SLC27A4: variants seen among roughly 807,000 people sequenced by gnomAD.
SLC27A4 encodes the protein long-chain fatty acid transport protein 4.
SLC27A4 carries 33 observed loss-of-function variants against 64.4 expected under a neutral mutation model. The observed-to-expected ratio is 0.51, with a 90% CI of 0.39 to 0.68. The LOEUF (loss-of-function observed/expected upper bound fraction) is 0.68. SLC27A4 is among the 30% of genes least tolerant of loss of function. SLC27A4 has a pLI of 0.00. For synonymous variants in SLC27A4, 377 were observed against 370.0 expected (o/e 1.02, Z -0.22); for missense variants, 824 against 883.5 (o/e 0.93, Z 0.85).
intron 3 of SLC27A4, among the ~76,000 whole-genome samples, chr9:128,347,201 G>T (rs1440931077): frequency 6.6e-6 from 1 of 152,204 alleles, no homozygotes; most frequent in African/African-American, 2.4e-5. Context: ...AAAGTACTGA[G>T]GTTGCTGCTT....
In SLC27A4 at chr9:128,360,791, A is replaced by G. The variant is rs988806703; in HGVS notation, c.*300A>G. 5 of 432,114 alleles carry G rather than the reference A, an allele frequency of 1.2e-5. No individual in the cohort carries two copies. The highest frequency in any genetic ancestry group is 3.6e-5 in the Admixed American group (1 of 28,034). The allele number at this position is 432,114 out of a possible 1,614,324, so 26.8% of individuals were successfully genotyped here. Reference sequence around the variant, plus strand: ...CTTGGGTGAGGGTAGGGAGAGGACAAGGGGTCACCGAGCCCTTCCCAGAGA... The same window carrying G: ...CTTGGGTGAGGGTAGGGAGAGGACAGGGGGTCACCGAGCCCTTCCCAGAGA... On this transcript the variant is annotated 3_prime_UTR_variant, in exon 13 of 13. Transcript: ENST00000300456.
chr9:128,353,169 C>T lies in SLC27A4; in HGVS notation c.1132C>T (p.Pro378Ser). ...CAACTTTTCCAGCCGCTTCCACATA[C>T]CCCAGGTGGCTGAGTTCTACGGGGC... is the stretch of plus-strand genomic sequence containing the variant. ...WTNFSSRFHIPQVAEFYGATE... is the reference protein window; with the variant it reads ...WTNFSSRFHISQVAEFYGATE... The change falls in exon 8 of 13, where the codon CCC (proline) becomes TCC (serine). Residue 378 changes from proline (P) to serine (S), a missense_variant. Transcript: ENST00000300456. This position sits in a 1 kb window ranked among gnomAD's most constrained non-coding sequence, Gnocchi z 4.9. 2 of 1,614,188 alleles carry T rather than the reference C, an allele frequency of 1.2e-6. No homozygotes were observed. The highest frequency in any genetic ancestry group is 1.7e-6 in the Non-Finnish European group (2 of 1,180,052).
Position 128,348,055 on chromosome 9 carries a change from C to T in SLC27A4, c.557-490C>T, listed in dbSNP as rs573292063. On this transcript the variant is annotated intron_variant, in intron 3 of 12. Coordinates refer to ENST00000300456, the MANE Select transcript of SLC27A4 (RefSeq NM_005094.4). Reference sequence around the variant, plus strand: ...GGGGTTATGTGATGTCCGTGCAGTGCGCAGGGGAGCCTGAAAGCAGGTTCC... The same window carrying T: ...GGGGTTATGTGATGTCCGTGCAGTGTGCAGGGGAGCCTGAAAGCAGGTTCC... Among the ~76,000 whole-genome samples the T allele has an allele frequency of 5.9e-5, 9 of 152,204 alleles. No individual in the cohort carries two copies. The East Asian group carries it at 1.7e-3, about 29-fold the overall frequency.
chr9:128,353,058 C>G lies in SLC27A4; in HGVS notation c.1021C>G (p.Leu341Val). 6.2e-7 allele frequency: 1 copy of G among 1,614,068 alleles called. No homozygotes were observed. ...VQYIGELCRY[L>V]LNQPPREAEN... Reference sequence around the variant, plus strand: ...GTACATTGGTGAACTGTGCCGCTACCTCCTGAACCAGCCACCGCGGGAGGC... The same window carrying G: ...GTACATTGGTGAACTGTGCCGCTACGTCCTGAACCAGCCACCGCGGGAGGC... Residue 341 changes from leucine to valine, a missense_variant, in exon 8 of 13, where the codon CTC becomes GTC. Coordinates refer to ENST00000300456, the MANE Select transcript of SLC27A4 (RefSeq NM_005094.4). The surrounding 1 kb of genome is among the most constrained non-coding windows in gnomAD (Gnocchi z 4.9).
intron 6 of SLC27A4, 40 bp from the exon 7 acceptor site, chr9:128,352,598 T>C: frequency 6.7e-7 from 1 of 1,500,732 alleles, no homozygotes. Flanking sequence ...GGGAGGGTCT[T>C]CATCTCGCTG....
chr9:128,352,262 G>T (rs967170670), intron 6 of SLC27A4, among the ~76,000 whole-genome samples: 1 of 152,176 alleles, frequency 6.6e-6, no homozygotes, highest in Non-Finnish European at 1.5e-5. Flanking sequence ...AGTGTGTGTG[G>T]CAGTGTCCCA....
Position 128,353,602 on chromosome 9 carries a change from G to T in SLC27A4, c.1324+61G>T. The stretch of plus-strand genomic sequence containing the variant: ...CCTGGGAAGGAAGGAGGCCAGGCGC[G>T]TGTGGATGGGGAGCCTTGTTCTGAC... On this transcript the variant is annotated intron_variant, in intron 9 of 12. Coordinates refer to ENST00000300456, the MANE Select transcript of SLC27A4 (RefSeq NM_005094.4). The surrounding 1 kb of genome is among the most constrained non-coding windows in gnomAD (Gnocchi z 4.9). The T allele has an allele frequency of 1.3e-6, 2 of 1,576,306 alleles. No homozygotes were observed. Among genetic ancestry groups the T allele is most frequent in the South Asian group, 1.1e-5 (1 of 88,134 alleles).
chr9:128,355,403 G>C lies in SLC27A4; in HGVS notation c.1468G>C (p.Val490Leu). The part of the protein sequence containing the change: ...KGDQAYLTGD[V>L]LVMDELGYLY... The stretch of plus-strand genomic sequence containing the variant: ...CTCATCCGGCCCCTCCCTAGGTGAT[G>C]TGCTGGTGATGGACGAGCTGGGCTA... The change falls in exon 11 of 13, where the codon GTG (valine) becomes CTG (leucine). Residue 490 changes from valine (V) to leucine (L), a missense_variant. Physicochemically the swap from Val to Leu is conservative, Grantham distance 32. Transcript: ENST00000300456. The C allele has an allele frequency of 6.2e-7, 1 of 1,613,698 alleles. No individual in the cohort carries two copies. Among genetic ancestry groups the C allele is most frequent in the Non-Finnish European group, 8.5e-7 (1 of 1,180,024 alleles).
chr9:128,357,239 G>C (rs1336191934), intron 12 of SLC27A4, among the ~76,000 whole-genome samples: 1 of 144,960 alleles, frequency 6.9e-6, no homozygotes, highest in Non-Finnish European at 1.5e-5. Flanking sequence ...TCCAGCCTGG[G>C]AGACAGAGTG....
At chr9:128,350,083 ATG>A (rs975181750) in intron 4 of SLC27A4, among the ~76,000 whole-genome samples, 13 of 152,294 alleles carry the variant, frequency 8.5e-5, no homozygotes, top group African/African-American at 3.1e-4. Context: ...TTACTCACTG[ATG>A]TCTCTCTCCA....
chr9:128,356,047 C>A (rs1443133031), intron 12 of SLC27A4, among the ~76,000 whole-genome samples: 1 of 152,098 alleles, frequency 6.6e-6, no homozygotes, highest in Admixed American at 6.6e-5. Flanking sequence ...GGATGTTTTG[C>A]CTTCTTGGAG....
chr9:128,344,500 C>T (rs1462422600), intron 2 of SLC27A4, among the ~76,000 whole-genome samples: 3 of 151,194 alleles, frequency 2.0e-5, no homozygotes, highest in Non-Finnish European at 4.4e-5. Context: ...ACCTGGGTGA[C>T]AGAGTGTGAC....
Position 128,353,999 on chromosome 9 carries a change from T to G in SLC27A4, c.1324+458T>G, listed in dbSNP as rs1832780336. ...ACCTCGTGATCCGCCCGCCTCGGCC[T>G]CCCAAAGTGCTGGGATTACAGGCGT... On this transcript the variant is annotated intron_variant, in intron 9 of 12. Transcript: ENST00000300456. This position sits in a 1 kb window ranked among gnomAD's most constrained non-coding sequence, Gnocchi z 4.9. Among the ~76,000 whole-genome samples the G allele has an allele frequency of 6.6e-6, 1 of 151,762 alleles. No homozygotes were observed. Among genetic ancestry groups the G allele is most frequent in the African/African-American group, 2.4e-5 (1 of 41,154 alleles).
intron 3 of SLC27A4, among the ~76,000 whole-genome samples, chr9:128,346,189 C>T (rs990908858): frequency 1.1e-4 from 16 of 152,076 alleles, no homozygotes; most frequent in African/African-American, 3.9e-4. Flanking sequence ...GCATGAACCA[C>T]CACACCTGGC....
intron 6 of SLC27A4, 122 bp from the exon 7 acceptor site, chr9:128,352,516 T>G: frequency 1.3e-6 from 1 of 779,498 alleles, no homozygotes; most frequent in Non-Finnish European, 2.2e-6. Context: ...GGCAGGCAGA[T>G]GTGAGGTGCA....
At chr9:128,341,707 C>T (rs1004231812) in intron 1 of SLC27A4, among the ~76,000 whole-genome samples, 18 of 152,188 alleles carry the variant, frequency 1.2e-4, no homozygotes, top group African/African-American at 1.9e-4. Context: ...ACAGAACCTC[C>T]CTGGGTTCTG....
At position 128,345,276 on chromosome 9, in the gene SLC27A4, T is replaced by G; in HGVS notation, c.283T>G (p.Phe95Val). The change falls in exon 3 of 13, where the codon TTC becomes GTC. Residue 95 changes from phenylalanine (F) to valine (V), a missense_variant. Physicochemically the swap from Phe to Val is conservative, Grantham distance 50. Transcript: ENST00000300456. The surrounding 1 kb of genome is among the most constrained non-coding windows in gnomAD (Gnocchi z 4.1). ...CCACCCCGACAAGACGGCCCTGATC[T>G]TCGAGGGCACAGATACCCACTGGAC... Reference protein sequence around the residue: ...RRHPDKTALIFEGTDTHWTFR... With the variant: ...RRHPDKTALIVEGTDTHWTFR... The G allele has an allele frequency of 6.2e-7, 1 of 1,613,900 alleles. No homozygotes were observed. Among genetic ancestry groups the G allele is most frequent in the South Asian group, 1.1e-5 (1 of 91,056 alleles).
chr9:128,352,441 AG>A (rs1382145854), intron 6 of SLC27A4, among the ~76,000 whole-genome samples, 196 bp from the exon 7 acceptor site: 2 of 152,138 alleles, frequency 1.3e-5, no homozygotes, highest in Non-Finnish European at 2.9e-5. Context: ...AGGGAGCAAG[AG>A]GGCAGCACCA....
chr9:128,343,246 C>T lies in SLC27A4; in HGVS notation c.114C>T (p.Gly38=), dbSNP rs761973333. Residue 38 remains glycine, a synonymous_variant, in exon 2 of 13, where the codon GGC becomes GGT. Coordinates refer to ENST00000300456, the MANE Select transcript of SLC27A4 (RefSeq NM_005094.4). ...TGTTCCTCTACTTGGGATCTGGCGGCTGGCGCTTCATCCGGGTCTTCATCA... is the reference window on the plus strand; with the variant it reads ...TGTTCCTCTACTTGGGATCTGGCGGTTGGCGCTTCATCCGGGTCTTCATCA... ...SLLFLYLGSG[G]WRFIRVFIKT... 8 of 1,614,182 alleles carry T rather than the reference C, an allele frequency of 5.0e-6. No individual in the cohort carries two copies. Among genetic ancestry groups the T allele is most frequent in the Non-Finnish European group, 6.8e-6 (8 of 1,180,030 alleles).
Sources: gnomAD v4.1 joint callset for allele counts (sites outside exome capture counted in the v4.1 genomes callset) on GRCh38, gnomAD v4.1.1 for gene constraint, Gnocchi (gnomAD v3.1) non-coding constraint, MANE v1.5 for transcripts, NCBI Gene and HGNC (gene_info 2026-07-23, HGNC 2026-07-21) for gene names.